The following TUBA4B variants were observed in gnomAD, a reference collection of about 807,000 sequenced individuals.
TUBA4B encodes tubulin-like protein alpha-4B.
TUBA4B carries 13 observed loss-of-function variants against 18.4 expected under a neutral mutation model. The observed-to-expected ratio is 0.71, with a 90% CI of 0.46 to 1.12. The LOEUF (loss-of-function observed/expected upper bound fraction) is 1.12. Among genes scored for constraint, TUBA4B ranks in the 50% most tolerant of loss-of-function variants. The probability of loss-of-function intolerance (pLI) is 0.00; values close to 1 mark genes in which losing one functional copy is unlikely to be tolerated. For missense variants in TUBA4B, 244 were observed against 250.0 expected (o/e 0.98, Z 0.16); for synonymous variants, 101 against 99.1 (o/e 1.02, Z -0.11).
In TUBA4B at chr2:219,271,585, C is replaced by T. The variant is rs1951826661; in HGVS notation, c.612C>T (p.Ser204=). Residue 204 remains serine (S), a synonymous_variant, in exon 4 of 4, where the codon TCC becomes TCT. Coordinates refer to ENST00000490341, the MANE Select transcript of TUBA4B (RefSeq NM_001355221.1). ...FQTNLVSYLT[S]TSPWPPMHQS... is the part of the protein sequence containing the mutation. ...CCAACCTGGTGTCCTACCTCACATCCACTTCCCCCTGGCCACCTATGCACC... is the reference window on the plus strand; with the variant it reads ...CCAACCTGGTGTCCTACCTCACATCTACTTCCCCCTGGCCACCTATGCACC... 1 of 1,614,086 alleles carries T rather than the reference C, an allele frequency of 6.2e-7. No homozygotes were observed. The highest frequency in any genetic ancestry group is 1.3e-5 in the African/African-American group (1 of 74,942).
intron 1 of TUBA4B, chr2:219,253,897 G>A (rs1266514096): frequency 1.4e-6 from 2 of 1,422,328 alleles, no homozygotes; most frequent in Middle Eastern, 2.0e-4. Flanking sequence ...GAGTCGGGGT[G>A]ACAGGTCTCA....
At chr2:219,264,245 AG>A (rs1222551177) in intron 1 of TUBA4B, among the ~76,000 whole-genome samples, 4 of 152,212 alleles carry the variant, frequency 2.6e-5, no homozygotes, top group Non-Finnish European at 5.9e-5. Context: ...AGATCACTTG[AG>A]GTCAGGAGTT....
intron 1 of TUBA4B, among the ~76,000 whole-genome samples, chr2:219,260,980 T>A (rs574904708): frequency 1.0e-3 from 155 of 151,886 alleles, no homozygotes; most frequent in African/African-American, 3.0e-3. Context: ...AAAAAATAAA[T>A]AAATAAATAA....
At chr2:219,264,199 C>G (rs6436127) in intron 1 of TUBA4B, among the ~76,000 whole-genome samples, 128,387 of 152,194 alleles carry the variant, frequency 0.84, 57,559 homozygotes, top group Non-Finnish European at 0.99. Flanking sequence ...GTGGCTCATG[C>G]CTGTAATCCC....
chr2:219,271,963 A>G lies in TUBA4B; in HGVS notation c.*264A>G. The G allele has an allele frequency of 6.6e-7, 1 of 1,522,846 alleles. No homozygotes were observed. The allele number at this position is 1,522,846 out of a possible 1,614,324, so 94.3% of individuals were successfully genotyped here. A position where few individuals can be genotyped will look rare whatever the true frequency, so the allele number is the denominator to read the frequency against. ...ATCACTATGGCCTGGGCCCGCCTGG[A>G]CCACAAGTTTGACCTGATGTATGCC... On this transcript the variant is annotated 3_prime_UTR_variant, in exon 4 of 4. Coordinates refer to ENST00000490341, the MANE Select transcript of TUBA4B (RefSeq NM_001355221.1).
At chr2:219,265,325 A>G (rs534535083) in intron 1 of TUBA4B, among the ~76,000 whole-genome samples, 90 of 152,324 alleles carry the variant, frequency 5.9e-4, no homozygotes, top group African/African-American at 2.1e-3. Flanking sequence ...CAAAGGAGGT[A>G]CGGAGAGAAG....
At chr2:219,255,661 C>T (rs1022602882) in intron 1 of TUBA4B, among the ~76,000 whole-genome samples, 4 of 152,224 alleles carry the variant, frequency 2.6e-5, no homozygotes, top group African/African-American at 9.6e-5. Context: ...TGAGCAACCA[C>T]CCCAGCCTGC....
chr2:219,264,809 C>A (rs1478813339), intron 1 of TUBA4B, among the ~76,000 whole-genome samples: 1 of 152,150 alleles, frequency 6.6e-6, no homozygotes, highest in Non-Finnish European at 1.5e-5. Flanking sequence ...TGGCTGCAGG[C>A]AACTGAAACT....
At chr2:219,253,754 C>T (rs1951688066) in intron 1 of TUBA4B, 8 of 1,410,078 alleles carry the variant, frequency 5.7e-6, no homozygotes, top group Non-Finnish European at 7.7e-6. Flanking sequence ...CCTGGAGACC[C>T]GGAACGCCCG....
At chr2:219,270,953 T>G (rs1209070743) in intron 3 of TUBA4B, among the ~76,000 whole-genome samples, 1 of 151,262 alleles carries the variant, frequency 6.6e-6, no homozygotes, top group African/African-American at 2.4e-5. Flanking sequence ...CAGAGCTCTG[T>G]GTTAAGGGCC....
rs535207947 is a variant in TUBA4B at position 219,271,997 on chromosome 2, G to T, written c.*298G>T. ...TTGACCTGATGTATGCCAAGAGGGCGTTTGGGCACTGATATGTGGGTGAGG... is the reference window on the plus strand; with the variant it reads ...TTGACCTGATGTATGCCAAGAGGGCTTTTGGGCACTGATATGTGGGTGAGG... On this transcript the variant is annotated 3_prime_UTR_variant, in exon 4 of 4. Transcript: ENST00000490341. 4 of 1,522,954 alleles carry T rather than the reference G, an allele frequency of 2.6e-6. No individual in the cohort carries two copies. In the South Asian group the frequency reaches 4.5e-5, roughly 17 times the overall value. The allele number at this position is 1,522,954 out of a possible 1,614,324, so 94.3% of individuals were successfully genotyped here.
intron 1 of TUBA4B, among the ~76,000 whole-genome samples, chr2:219,262,357 C>T (rs1951765064): frequency 6.6e-6 from 1 of 151,836 alleles, no homozygotes; most frequent in Admixed American, 6.6e-5. Context: ...CAAATATCAC[C>T]TTCTTATAGA....
intron 2 of TUBA4B, among the ~76,000 whole-genome samples, chr2:219,266,976 T>G (rs1169317318): frequency 3.3e-5 from 5 of 152,116 alleles, no homozygotes; most frequent in Non-Finnish European, 4.4e-5. Context: ...CTTCCCACCA[T>G]GGGGACACAT....
At chr2:219,253,870 G>A (rs1951690152) in intron 1 of TUBA4B, 1 of 1,460,202 alleles carries the variant, frequency 6.8e-7, no homozygotes, top group Non-Finnish European at 9.0e-7. Flanking sequence ...GTGAGTCCGG[G>A]CGGTGCGTCT....
chr2:219,262,838 C>T (rs778750976), intron 1 of TUBA4B, among the ~76,000 whole-genome samples: 25 of 151,332 alleles, frequency 1.7e-4, no homozygotes, highest in Non-Finnish European at 3.2e-4. Context: ...GTCAGGAGTT[C>T]GAGACCAGCC....
Position 219,271,825 on chromosome 2 carries a change from T to C in TUBA4B, c.*126T>C. 2 of 1,584,820 alleles carry C rather than the reference T, an allele frequency of 1.3e-6. No individual in the cohort carries two copies. The highest frequency in any genetic ancestry group is 1.7e-6 in the Non-Finnish European group (2 of 1,153,336). ...CAAGTGCAGCATTCAGTTTGTGGAC[T>C]GGTGCCCCACAGGCTTTAAGGTTGA... On this transcript the variant is annotated 3_prime_UTR_variant, in exon 4 of 4. Transcript: ENST00000490341.
At chr2:219,266,620 G>T in intron 2 of TUBA4B, 54 bp downstream of exon 2, 1 of 700,810 alleles carries the variant, frequency 1.4e-6, no homozygotes, top group Non-Finnish European at 2.6e-6. Context: ...GTCCCAGTGG[G>T]CCCAAGATAT....
At chr2:219,259,715 G>C (rs1175633151) in intron 1 of TUBA4B, among the ~76,000 whole-genome samples, 1 of 152,068 alleles carries the variant, frequency 6.6e-6, no homozygotes. Flanking sequence ...TCTTGGAGCA[G>C]GGCAGCAAGG....
At chr2:219,269,916 G>T (rs2125077751) in intron 2 of TUBA4B, among the ~76,000 whole-genome samples, 1 of 152,280 alleles carries the variant, frequency 6.6e-6, no homozygotes, top group South Asian at 2.1e-4. Flanking sequence ...GCAGAGCATG[G>T]TGTCTGTGGT....
Sources: gnomAD v4.1 joint callset for allele counts (sites outside exome capture counted in the v4.1 genomes callset) on GRCh38, gnomAD v4.1.1 for gene constraint, MANE v1.5 for transcripts, NCBI Gene and HGNC (gene_info 2026-07-23, HGNC 2026-07-21) for gene names.